The following DCTN6 variants were observed in gnomAD, a reference collection of about 807,000 sequenced individuals.
The protein encoded by DCTN6 is dynactin subunit 6.
Under a neutral mutation model 25.8 loss-of-function variants are expected in DCTN6, and 15 were observed. The ratio of observed to expected loss-of-function variants is 0.58; its 90% confidence interval spans 0.39 to 0.89. The LOEUF (loss-of-function observed/expected upper bound fraction) is 0.89. Ranked by LOEUF, DCTN6 falls within the 40% of genes least tolerant of loss-of-function variation. The probability of loss-of-function intolerance (pLI) is 0.00; values close to 1 mark genes in which losing one functional copy is unlikely to be tolerated. For missense variants in DCTN6, 198 were observed against 237.6 expected, an observed-to-expected ratio of 0.83 and a Z score of 1.09; for synonymous variants, 64 against 78.3, an observed-to-expected ratio of 0.82 and a Z score of 0.96.
chr8:30,170,620 A>G (rs1803750972), intron 2 of DCTN6, among the ~76,000 whole-genome samples: 1 of 152,018 alleles, frequency 6.6e-6, no homozygotes, highest in African/African-American at 2.4e-5. Context: ...TGTGCAAGAC[A>G]TCTTATGGGA....
At chr8:30,162,529 T>C (rs183045697) in intron 1 of DCTN6, among the ~76,000 whole-genome samples, 1 of 152,358 alleles carries the variant, frequency 6.6e-6, no homozygotes, top group East Asian at 1.9e-4. Context: ...ACCATGAATG[T>C]CATTGCCATT....
At position 30,175,183 on chromosome 8, in the gene DCTN6, A is replaced by G; in HGVS notation, c.187A>G (p.Ile63Val). The change falls in exon 3 of 7, where the codon ATA (isoleucine) becomes GTA (valine). Residue 63 changes from isoleucine to valine, a missense_variant. Coordinates refer to ENST00000221114, the MANE Select transcript of DCTN6 (RefSeq NM_006571.4). ...GNLIEEQALI[I>V]NAYPDNITPD... ...CCTAATAGAAGAACAGGCCCTTATC[A>G]TAAATGCGTAAGACTCTTATACATA... 2 of 1,613,594 alleles carry G rather than the reference A, an allele frequency of 1.2e-6. No homozygotes were observed. The highest frequency in any genetic ancestry group is 2.2e-5 in the East Asian group (1 of 44,872).
At chr8:30,164,271 C>A in intron 2 of DCTN6, 96 bp downstream of exon 2, 3 of 937,484 alleles carry the variant, frequency 3.2e-6, no homozygotes, top group African/African-American at 1.6e-5. Context: ...GTTTATTTCA[C>A]TGATGTCCTA....
At chr8:30,171,471 TG>T (rs760457202) in intron 2 of DCTN6, among the ~76,000 whole-genome samples, 1 of 152,334 alleles carries the variant, frequency 6.6e-6, no homozygotes, top group East Asian at 1.9e-4. Context: ...TTGCCCTGGC[TG>T]GTCTGGAACT....
At chr8:30,164,006 T>C (rs1803632478) in intron 1 of DCTN6, 105 bp from the exon 2 acceptor site, 3 of 1,098,910 alleles carry the variant, frequency 2.7e-6, no homozygotes, top group East Asian at 4.9e-5. Context: ...CTGGCCTTTT[T>C]TTCCATCATT....
Position 30,183,461 on chromosome 8 carries a change from C to G in DCTN6, c.*288C>G, listed in dbSNP as rs964298844. On this transcript the variant is annotated 3_prime_UTR_variant, in exon 7 of 7. Coordinates refer to ENST00000221114, the MANE Select transcript of DCTN6 (RefSeq NM_006571.4). Reference sequence around the variant, plus strand: ...AAATTTTAGTTATGTAAAAGGCTACCCTTGACAAGAAAAGACATACTGTCA... The same window carrying G: ...AAATTTTAGTTATGTAAAAGGCTACGCTTGACAAGAAAAGACATACTGTCA... 20 of 236,140 alleles carry G rather than the reference C, an allele frequency of 8.5e-5. No individual in the cohort carries two copies. The highest frequency in any genetic ancestry group is 3.7e-4 in the African/African-American group (16 of 43,620). 14.6% of individuals were successfully genotyped at this position (236,140 alleles called of 1,614,324 possible). A position where few individuals can be genotyped will look rare whatever the true frequency, so the allele number is the denominator to read the frequency against.
chr8:30,156,647 C>T (rs1183918328), intron 1 of DCTN6, among the ~76,000 whole-genome samples: 2 of 152,066 alleles, frequency 1.3e-5, no homozygotes, highest in Non-Finnish European at 2.9e-5. Context: ...CGTCCCTCCC[C>T]ACATGCGCCT....
At chr8:30,177,382 A>G in intron 4 of DCTN6, 168 bp downstream of exon 4, 1 of 540,404 alleles carries the variant, frequency 1.9e-6, no homozygotes, top group Non-Finnish European at 3.2e-6. Flanking sequence ...ACTTACATTC[A>G]CAATATATAT....
chr8:30,159,299 G>A (rs1025989942), intron 1 of DCTN6, among the ~76,000 whole-genome samples: 2 of 151,626 alleles, frequency 1.3e-5, no homozygotes, highest in South Asian at 2.1e-4. Flanking sequence ...AATTCATGGC[G>A]GTGTGAAGGT....
At chr8:30,156,571 T>C (rs1325146276) in intron 1 of DCTN6, among the ~76,000 whole-genome samples, 165 bp downstream of exon 1, 2 of 148,706 alleles carry the variant, frequency 1.3e-5, no homozygotes, top group Non-Finnish European at 3.0e-5. Flanking sequence ...GGCGACGGAG[T>C]GGGGGCGGGG....
intron 1 of DCTN6, 95 bp from the exon 2 acceptor site, chr8:30,164,013 CATT>C: frequency 8.6e-7 from 1 of 1,160,070 alleles, no homozygotes; most frequent in South Asian, 1.3e-5. Context: ...TTTTTTCCAT[CATT>C]TTTTAAACCT....
intron 1 of DCTN6, among the ~76,000 whole-genome samples, chr8:30,160,897 T>A (rs1440933811): frequency 1.3e-5 from 2 of 152,234 alleles, no homozygotes; most frequent in Admixed American, 6.5e-5. Flanking sequence ...AATACCTACC[T>A]TCAACGTTGC....
chr8:30,156,523 G>A (rs1056417096), intron 1 of DCTN6, 117 bp downstream of exon 1: 1 of 1,273,356 alleles, frequency 7.9e-7, no homozygotes, highest in Non-Finnish European at 1.1e-6. Context: ...CGGGCCGAAG[G>A]TACCTGAAGC....
chr8:30,177,058 C>T (rs970573996), intron 3 of DCTN6, 68 bp from the exon 4 acceptor site: 15 of 1,290,290 alleles, frequency 1.2e-5, no homozygotes, highest in Admixed American at 7.7e-5. Flanking sequence ...AACCCAAATT[C>T]GAAAATGGGA....
At position 30,183,134 on chromosome 8, in the gene DCTN6, GA is replaced by G; in HGVS notation, c.536del (p.Lys179ArgfsTer3). ...KILPNYHHLK[K>X]TMKGSSTPVK... Reference sequence around the variant, plus strand: ...TCTTGCCAAATTACCACCACCTAAAGAAGACTATGAAAGGAAGCTCAACTCC... The same window carrying G: ...TCTTGCCAAATTACCACCACCTAAAGAGACTATGAAAGGAAGCTCAACTCC... On this transcript the variant is annotated frameshift_variant, in exon 7 of 7. Coordinates refer to ENST00000221114, the MANE Select transcript of DCTN6 (RefSeq NM_006571.4). LOFTEE classifies it high-confidence loss of function. 6.2e-7 allele frequency: 1 copy of G among 1,614,050 alleles called. No individual in the cohort carries two copies. The highest frequency in any genetic ancestry group is 8.5e-7 in the Non-Finnish European group (1 of 1,179,974).
chr8:30,183,231 C>A lies in DCTN6; in HGVS notation c.*58C>A. On this transcript the variant is annotated 3_prime_UTR_variant, in exon 7 of 7. Transcript: ENST00000221114. ...CTTTGACCACTGTCTTTTGAATGGG[C>A]CCACAGTGTTTATGTACTCTTAACA... The A allele has an allele frequency of 1.4e-6, 2 of 1,386,450 alleles. No individual in the cohort carries two copies. Among genetic ancestry groups the A allele is most frequent in the Non-Finnish European group, 2.0e-6 (2 of 979,372 alleles). The allele number at this position is 1,386,450 out of a possible 1,614,324, so 85.9% of individuals were successfully genotyped here.
At chr8:30,164,278 C>G in intron 2 of DCTN6, 103 bp downstream of exon 2, 1 of 901,156 alleles carries the variant, frequency 1.1e-6, no homozygotes, top group South Asian at 1.5e-5. Flanking sequence ...TCACTGATGT[C>G]CTAGTTTTAT....
chr8:30,171,038 A>C (rs1171077817), intron 2 of DCTN6, among the ~76,000 whole-genome samples: 2 of 152,156 alleles, frequency 1.3e-5, no homozygotes, highest in Non-Finnish European at 2.9e-5. Flanking sequence ...TATATAAGAA[A>C]TTTGTATTAC....
chr8:30,181,805 G>A (rs776326442), intron 6 of DCTN6, among the ~76,000 whole-genome samples: 29 of 151,256 alleles, frequency 1.9e-4, no homozygotes, highest in African/African-American at 6.3e-4. Flanking sequence ...TGGGAGGATC[G>A]CTTGAGCCCA....
Sources: allele counts gnomAD v4.1 joint callset (sites outside exome capture counted in the v4.1 genomes callset), GRCh38; gene constraint gnomAD v4.1.1; transcripts MANE v1.5; gene names NCBI Gene and HGNC (gene_info 2026-07-23, HGNC 2026-07-21).